GFRA1: variants seen among roughly 807,000 people sequenced by gnomAD.
GFRA1 encodes the protein GDNF family receptor alpha 1.
GFRA1 carries 16 observed loss-of-function variants against 51.6 expected under a neutral mutation model. The observed-to-expected ratio is 0.31, with a 90% CI of 0.21 to 0.47. The LOEUF is 0.47. Among genes scored for constraint, GFRA1 ranks in the 20% least tolerant of loss-of-function variants. The probability of loss-of-function intolerance (pLI) is 1.00; values close to 1 mark genes in which losing one functional copy is unlikely to be tolerated. For synonymous variants in GFRA1, 270 were observed against 241.3 expected, an observed-to-expected ratio of 1.12 and a Z score of -1.10; for missense variants, 530 against 594.3, an observed-to-expected ratio of 0.89 and a Z score of 1.13.
chr10:116,215,813 G>A (rs1965522615), intron 4 of GFRA1, among the ~76,000 whole-genome samples: 1 of 152,112 alleles, frequency 6.6e-6, no homozygotes, highest in Non-Finnish European at 1.5e-5. Context: ...ACTTCCCAAG[G>A]GAGAAAACCC....
chr10:116,078,112 G>C (rs1955694908), intron 9 of GFRA1, among the ~76,000 whole-genome samples: 1 of 151,956 alleles, frequency 6.6e-6, no homozygotes, highest in Non-Finnish European at 1.5e-5. Context: ...CCTATTTTTT[G>C]TACCAGTTAG....
intron 5 of GFRA1, among the ~76,000 whole-genome samples, chr10:116,136,858 T>C (rs1284431769): frequency 2.6e-5 from 4 of 152,174 alleles, no homozygotes; most frequent in African/African-American, 9.7e-5. Flanking sequence ...AAGGAGGCCA[T>C]GATGTTGGAC....
rs973906250 is a variant in GFRA1, at chr10:116,059,630, C to T, written c.*4768G>A. 11 of 152,232 alleles carry T rather than the reference C, an allele frequency of 7.2e-5. No homozygotes were observed. The highest frequency in any genetic ancestry group is 1.5e-4 in the Non-Finnish European group (10 of 68,072). 9.4% of individuals were successfully genotyped at this position (152,232 alleles called of 1,614,324 possible). On this transcript the variant is annotated 3_prime_UTR_variant, in exon 11 of 11. Transcript: ENST00000355422. The stretch of plus-strand genomic sequence containing the variant: ...ATAGGGTTTGTGCGCCTTCTCCACC[C>T]CTCTGGGCTGGGTCTCAGAACAATC...
At chr10:116,083,048 C>T (rs1955923202) in intron 9 of GFRA1, among the ~76,000 whole-genome samples, 1 of 152,176 alleles carries the variant, frequency 6.6e-6, no homozygotes, top group Non-Finnish European at 1.5e-5. Flanking sequence ...TGTTTTACAG[C>T]AGAGATTCAG....
At chr10:116,110,555 G>A (rs939547012) in intron 6 of GFRA1, among the ~76,000 whole-genome samples, 22 of 152,132 alleles carry the variant, frequency 1.4e-4, no homozygotes, top group Non-Finnish European at 2.9e-4. Flanking sequence ...TAGGAATACT[G>A]GGGAGCCACC....
chr10:116,242,692 G>C (rs979996073), intron 4 of GFRA1, among the ~76,000 whole-genome samples: 8 of 152,016 alleles, frequency 5.3e-5, no homozygotes, highest in African/African-American at 7.3e-5. Flanking sequence ...ATGTTGGCCA[G>C]GCTGGTCTTG....
In GFRA1 at chr10:116,220,915, A is replaced by C. The variant is rs554234591; in HGVS notation, c.419-9270T>G. ...CTATATGCTCCCAAATCAACTGTACATCTCCTTGGTGCCCTAACATACACC... is the reference window on the plus strand; with the variant it reads ...CTATATGCTCCCAAATCAACTGTACCTCTCCTTGGTGCCCTAACATACACC... On this transcript the variant is annotated intron_variant, in intron 4 of 10. Coordinates refer to ENST00000355422, the MANE Select transcript of GFRA1 (RefSeq NM_005264.8). 1.1e-4 allele frequency among the ~76,000 whole-genome samples: 16 copies of C among 152,162 alleles called. No homozygotes were observed. The South Asian group carries it at 3.3e-3, about 32-fold the overall frequency.
At chr10:116,126,411 G>A (rs1025774539) in intron 5 of GFRA1, among the ~76,000 whole-genome samples, 4 of 152,248 alleles carry the variant, frequency 2.6e-5, no homozygotes, top group Non-Finnish European at 5.9e-5. Flanking sequence ...TCTGCTGTCT[G>A]CAGCGAGAGC....
upstream of GFRA1, among the ~76,000 whole-genome samples, chr10:116,274,631 C>A (rs1036402431): frequency 1.3e-5 from 2 of 152,108 alleles, no homozygotes; most frequent in African/African-American, 4.8e-5. Context: ...CCTCGGGGCG[C>A]GCCCCAAACC....
intron 5 of GFRA1, among the ~76,000 whole-genome samples, chr10:116,141,033 G>A (rs1382064701): frequency 1.3e-5 from 2 of 152,166 alleles, no homozygotes; most frequent in Non-Finnish European, 2.9e-5. Context: ...ATAGTATGAT[G>A]GTAATAATGT....
chr10:116,207,994 A>C (rs1964915243), intron 5 of GFRA1, among the ~76,000 whole-genome samples: 1 of 152,022 alleles, frequency 6.6e-6, no homozygotes, highest in Non-Finnish European at 1.5e-5. Context: ...GGTTATTTTT[A>C]AATGTGAATA....
intron 4 of GFRA1, among the ~76,000 whole-genome samples, chr10:116,260,341 ACT>A (rs1458169443): frequency 6.6e-6 from 1 of 151,914 alleles, no homozygotes; most frequent in Non-Finnish European, 1.5e-5. Context: ...CACTTAACAC[ACT>A]CTATAAAAAT....
chr10:116,065,148 T>A (rs10885848), intron 10 of GFRA1, among the ~76,000 whole-genome samples: 63,847 of 152,024 alleles, frequency 0.42, 15,965 homozygotes, highest in African/African-American at 0.69. Flanking sequence ...CAGCAGAATT[T>A]TCGGTCTCCT....
At position 116,064,112 on chromosome 10, in the gene GFRA1, C is replaced by A; in HGVS notation, c.*286G>T. The A allele has an allele frequency of 3.0e-6, 1 of 332,064 alleles. No homozygotes were observed. The highest frequency in any genetic ancestry group is 5.7e-6 in the Non-Finnish European group (1 of 175,976). 20.6% of individuals were successfully genotyped at this position (332,064 alleles called of 1,614,324 possible). A position where few individuals can be genotyped will look rare whatever the true frequency, so the allele number is the denominator to read the frequency against. On this transcript the variant is annotated 3_prime_UTR_variant, in exon 11 of 11. Transcript: ENST00000355422. ...TCATGATCATCATCATCATCGAAAACACAGCCCCAGTTTGCTTTACAGCCC... is the reference window on the plus strand; with the variant it reads ...TCATGATCATCATCATCATCGAAAAAACAGCCCCAGTTTGCTTTACAGCCC...
At chr10:116,207,936 T>C (rs1964908809) in intron 5 of GFRA1, among the ~76,000 whole-genome samples, 1 of 152,042 alleles carries the variant, frequency 6.6e-6, no homozygotes, top group Admixed American at 6.6e-5. Context: ...CTGGTCCTGA[T>C]CTGCACTTCT....
rs574097916 is a variant in GFRA1, at chr10:116,123,151, C to A, written c.770+2070G>T. Among the ~76,000 whole-genome samples the A allele has an allele frequency of 1.2e-3, 181 of 152,312 alleles. 2 individuals are homozygous for A. Among genetic ancestry groups the A allele is most frequent in the Non-Finnish European group, 1.8e-3 (120 of 68,028 alleles). Reference sequence around the variant, plus strand: ...CTTCAGCAGAGGGTGCTTCGACACCCTAATTGATTGGCTTCCCCAGGTTCC... The same window carrying A: ...CTTCAGCAGAGGGTGCTTCGACACCATAATTGATTGGCTTCCCCAGGTTCC... On this transcript the variant is annotated intron_variant, in intron 6 of 10. Coordinates refer to ENST00000355422, the MANE Select transcript of GFRA1 (RefSeq NM_005264.8).
chr10:116,090,749 C>A (rs2133878636), intron 8 of GFRA1, among the ~76,000 whole-genome samples: 1 of 151,960 alleles, frequency 6.6e-6, no homozygotes, highest in Admixed American at 6.6e-5. Context: ...ATTTCATATT[C>A]ATTGTATAAA....
chr10:116,126,017 A>G (rs1489383401), intron 5 of GFRA1, among the ~76,000 whole-genome samples: 1 of 152,252 alleles, frequency 6.6e-6, no homozygotes, highest in Non-Finnish European at 1.5e-5. Context: ...GCTAATTACT[A>G]TATGATTACA....
rs193104743 is a variant in GFRA1 at position 116,200,495 on chromosome 10, G to A, written c.433+11136C>T. On this transcript the variant is annotated intron_variant, in intron 5 of 10. Coordinates refer to ENST00000355422, the MANE Select transcript of GFRA1 (RefSeq NM_005264.8). ...GATTAGTGAGTATGTAACTCTTATG[G>A]GGTTTCTCTTAGTCAGCCTGATCTG... is the stretch of plus-strand genomic sequence containing the variant. Among the ~76,000 whole-genome samples the A allele has an allele frequency of 2.6e-5, 4 of 152,280 alleles. No homozygotes were observed. The East Asian group carries it at 7.7e-4, about 29-fold the overall frequency.
Sources: gnomAD v4.1 joint callset for allele counts (sites outside exome capture counted in the v4.1 genomes callset) on GRCh38, gnomAD v4.1.1 for gene constraint, MANE v1.5 for transcripts, NCBI Gene and HGNC (gene_info 2026-07-23, HGNC 2026-07-21) for gene names.